COL6A1: variants seen among roughly 807,000 people sequenced by gnomAD.
COL6A1 encodes the protein collagen alpha-1(VI) chain.
COL6A1 carries 80 observed loss-of-function variants against 145.6 expected under a neutral mutation model. That is an observed-to-expected ratio of 0.55 (90% CI 0.46 to 0.66). COL6A1 has a LOEUF of 0.66. Ranked by LOEUF, COL6A1 falls within the 30% of genes least tolerant of loss-of-function variation. The pLI is 0.00. For synonymous variants in COL6A1, 638 were observed against 622.8 expected (o/e 1.02, Z -0.36); for missense variants, 1,364 against 1,473.8 (o/e 0.93, Z 1.22).
chr21:45,999,032 G>A, intron 25 of COL6A1, 73 bp downstream of exon 25: 1 of 1,546,190 alleles, frequency 6.5e-7, no homozygotes. Context: ...GAAGGGCAGT[G>A]GACCAGGACC....
chr21:46,003,199 G>A, intron 34 of COL6A1, 50 bp downstream of exon 34: 2 of 1,613,490 alleles, frequency 1.2e-6, no homozygotes, highest in Non-Finnish European at 1.7e-6. Context: ...ACCGTGGTTG[G>A]GGCGAGGGCT....
intron 19 of COL6A1, 80 bp downstream of exon 19, chr21:45,992,890 C>A: frequency 7.8e-7 from 1 of 1,281,966 alleles, no homozygotes; most frequent in Non-Finnish European, 1.1e-6. Flanking sequence ...CCTCCAGAGC[C>A]ACAGGACACA....
chr21:45,995,904 G>A (rs1219503048), intron 20 of COL6A1, among the ~76,000 whole-genome samples: 2 of 149,584 alleles, frequency 1.3e-5, no homozygotes, highest in East Asian at 1.9e-4. Context: ...TTTGTCCATC[G>A]GGACGTTGGG....
intron 3 of COL6A1, among the ~76,000 whole-genome samples, chr21:45,985,281 CAGAGACAGAGAGAT>C (rs1357832720): frequency 1.3e-5 from 2 of 149,718 alleles, no homozygotes; most frequent in South Asian, 2.1e-4. Context: ...GACAGAGGGA[CAGAGACAGAGAGAT>C]AGAGACAGAG....
At position 46,003,379 on chromosome 21, in the gene COL6A1, C is replaced by T. The variant is rs1337305010; in HGVS notation, c.2465-12C>T. ...GGGCCTCATGCTAACGGCTGCCCAC[C>T]CCGCCCCGCAGTCACGTTCTCCTCC... On this transcript the variant is annotated splice_polypyrimidine_tract_variant and intron_variant, in intron 34 of 34. Coordinates refer to ENST00000361866, the MANE Select transcript of COL6A1 (RefSeq NM_001848.3). 3 of 1,599,820 alleles carry T rather than the reference C, an allele frequency of 1.9e-6. No individual in the cohort carries two copies. The highest frequency in any genetic ancestry group is 1.7e-5 in the Admixed American group (1 of 59,996).
At chr21:45,985,223 G>C (rs1316831854) in intron 3 of COL6A1, among the ~76,000 whole-genome samples, 1 of 151,392 alleles carries the variant, frequency 6.6e-6, no homozygotes, top group Non-Finnish European at 1.5e-5. Context: ...GAGAGACAGA[G>C]AGAAGCAGAG....
chr21:45,985,945 A>C (rs2077736676), intron 3 of COL6A1, among the ~76,000 whole-genome samples: 2 of 152,232 alleles, frequency 1.3e-5, no homozygotes, highest in African/African-American at 4.8e-5. Context: ...TGGAAGCCAC[A>C]GACAGACACG....
Position 46,003,731 on chromosome 21 carries a change from CAAGAAGAG to C in COL6A1, c.2806_2813del (p.Lys936AlafsTer42). The C allele has an allele frequency of 6.2e-7, 1 of 1,612,962 alleles. No homozygotes were observed. The highest frequency in any genetic ancestry group is 8.5e-7 in the Non-Finnish European group (1 of 1,179,886). ...ACCGCGAGGCCTCGTCCGGCGCTGC[CAAGAAGAG>C]GCTGCTGCTCTTCTCAGATGGCAAC... On this transcript the variant is annotated frameshift_variant, in exon 35 of 35. Transcript: ENST00000361866. LOFTEE classifies it high-confidence loss of function.
Position 45,989,109 on chromosome 21 carries a change from C to T in COL6A1, c.830C>T (p.Pro277Leu). The change falls in exon 9 of 35, where the codon CCA (proline) becomes CTA (leucine). Residue 277 changes from proline to leucine, a missense_variant. Around this residue, in one of 3 missense-constraint regions of COL6A1, gnomAD observed 414 missense variants for 437.6 expected, o/e 0.95. Coordinates refer to ENST00000361866, the MANE Select transcript of COL6A1 (RefSeq NM_001848.3). ...FEGERGKPGL[P>L]GEKGEAGDPG... ...GGAGAACGAGGCAAGCCGGGGCTCC[C>T]AGGAGAGAAGGGAGAAGCCGGAGAT... 6.2e-7 allele frequency: 1 copy of T among 1,611,292 alleles called. No homozygotes were observed. The highest frequency in any genetic ancestry group is 8.5e-7 in the Non-Finnish European group (1 of 1,178,904).
intron 28 of COL6A1, among the ~76,000 whole-genome samples, 191 bp downstream of exon 28, chr21:46,000,558 G>A (rs2077837642): frequency 6.6e-6 from 1 of 152,248 alleles, no homozygotes; most frequent in African/African-American, 2.4e-5. Context: ...CAGGCTGAGA[G>A]TCCCCGGTGC....
intron 20 of COL6A1, among the ~76,000 whole-genome samples, chr21:45,996,195 C>T (rs1203382001): frequency 1.3e-5 from 2 of 152,274 alleles, no homozygotes; most frequent in African/African-American, 2.4e-5. Context: ...ACAGAGACCT[C>T]CTTTCCATCC....
At position 45,986,695 on chromosome 21, in the gene COL6A1, G is replaced by A. The variant is rs890926408; in HGVS notation, c.588+10G>A. ...CACACCCGACCACCTGGTAGGCACC[G>A]GCCCCCCCCGGCAGATGCCCCCAAC... On this transcript the variant is annotated intron_variant, in intron 4 of 34. Transcript: ENST00000361866. 21 of 1,542,228 alleles carry A rather than the reference G, an allele frequency of 1.4e-5. No homozygotes were observed. Among genetic ancestry groups the A allele is most frequent in the South Asian group, 3.6e-5 (3 of 83,894 alleles).
At chr21:45,998,754 T>C in intron 24 of COL6A1, 143 bp from the exon 25 acceptor site, 1 of 1,129,562 alleles carries the variant, frequency 8.9e-7, no homozygotes, top group Non-Finnish European at 1.3e-6. Flanking sequence ...CGGGACCCAG[T>C]TTCTCCAGCC....
chr21:45,984,077 C>T (rs1013034138), intron 2 of COL6A1, among the ~76,000 whole-genome samples, 192 bp from the exon 3 acceptor site: 1 of 152,216 alleles, frequency 6.6e-6, no homozygotes, highest in African/African-American at 2.4e-5. Context: ...GGGCGCAGGT[C>T]GCTTGCTGGC....
In COL6A1 at chr21:45,992,428, T is replaced by C. The variant is rs779530569; in HGVS notation, c.1272+30T>C. The C allele has an allele frequency of 9.3e-6, 15 of 1,609,614 alleles. No individual in the cohort carries two copies. The East Asian group carries it at 3.1e-4, about 34-fold the overall frequency. On this transcript the variant is annotated intron_variant, in intron 18 of 34. Transcript: ENST00000361866. The stretch of plus-strand genomic sequence containing the variant: ...GTGGGGCAGGGGCAGCCTGCGCTGT[T>C]GGCCTCACCATGTAGCTGTGGACGT...
rs2077845126 is a variant in COL6A1, at chr21:46,001,499, C to G, written c.1956+113C>G. 7 of 1,390,184 alleles carry G rather than the reference C, an allele frequency of 5.0e-6. No homozygotes were observed. In the Admixed American group the frequency reaches 1.2e-4, roughly 24 times the overall value. The allele number at this position is 1,390,184 out of a possible 1,614,324, so 86.1% of individuals were successfully genotyped here. ...CGAGGCCACCGCTGCATCCCTGTGA[C>G]TTCCCTACTCATGACAAGGATGCCA... is the stretch of plus-strand genomic sequence containing the variant. On this transcript the variant is annotated intron_variant, in intron 30 of 34. Transcript: ENST00000361866.
At position 45,981,878 on chromosome 21, in the gene COL6A1, C is replaced by T. The variant is rs770938233; in HGVS notation, c.28C>T (p.Leu10=). 29 of 1,600,384 alleles carry T rather than the reference C, an allele frequency of 1.8e-5. No individual in the cohort carries two copies. Among genetic ancestry groups the T allele is most frequent in the South Asian group, 3.4e-5 (3 of 88,802 alleles). MRAARALLP[L]LLQACWTAAQ... ...GAGGGCGGCCCGTGCTCTGCTGCCC[C>T]TGCTGCTGCAGGCCTGCTGGACAGC... Residue 10 remains leucine (L), a synonymous_variant, in exon 1 of 35, where the codon CTG becomes TTG. Coordinates refer to ENST00000361866, the MANE Select transcript of COL6A1 (RefSeq NM_001848.3).
At chr21:45,993,596 C>T (rs1214866970) in intron 19 of COL6A1, among the ~76,000 whole-genome samples, 2 of 152,130 alleles carry the variant, frequency 1.3e-5, no homozygotes, top group South Asian at 2.1e-4. Context: ...AGAGCTGAGC[C>T]GGGGCCAGAG....
chr21:46,001,284 C>G lies in COL6A1; in HGVS notation c.1854C>G (p.Phe618Leu). 2 of 1,611,502 alleles carry G rather than the reference C, an allele frequency of 1.2e-6. No individual in the cohort carries two copies. Among genetic ancestry groups the G allele is most frequent in the Middle Eastern group, 1.6e-4 (1 of 6,062 alleles). ...AGTGCGGCCCCATCGACCTCCTGTT[C>G]GTGCTGGACAGCTCAGAGAGCATTG... ...ECKCGPIDLL[F>L]VLDSSESIGL... is the part of the protein sequence containing the mutation. Residue 618 changes from phenylalanine to leucine, a missense_variant, in exon 30 of 35, where the codon TTC becomes TTG. Around this residue, in one of 3 missense-constraint regions of COL6A1, gnomAD observed 938 missense variants for 1,003.8 expected, o/e 0.93. Transcript: ENST00000361866.
Sources: gnomAD v4.1 joint callset for allele counts (sites outside exome capture counted in the v4.1 genomes callset) on GRCh38, gnomAD v4.1.1 for gene constraint, gnomAD v4.1.1 regional missense constraint, MANE v1.5 for transcripts, NCBI Gene and HGNC (gene_info 2026-07-23, HGNC 2026-07-21) for gene names.